The following DPP10 variants were observed in gnomAD, a reference collection of about 807,000 sequenced individuals.
The protein encoded by DPP10 is inactive dipeptidyl peptidase 10.
In DPP10, 33 loss-of-function variants were observed where a neutral mutation model predicts 120.9. The ratio of observed to expected loss-of-function variants is 0.27; its 90% CI spans 0.21 to 0.37. DPP10 has a LOEUF of 0.37. DPP10 is among the 10% of genes least tolerant of loss of function. The pLI is 1.00. For synonymous variants in DPP10, 337 were observed against 326.1 expected (o/e 1.03, Z -0.36); for missense variants, 816 against 942.8 (o/e 0.87, Z 1.76).
At chr2:114,937,645 C>T (rs750544183) in intron 1 of DPP10, among the ~76,000 whole-genome samples, 12 of 152,178 alleles carry the variant, frequency 7.9e-5, no homozygotes, top group Non-Finnish European at 1.6e-4. Flanking sequence ...TTGGAGTTTA[C>T]CACCAATTAA....
chr2:115,548,813 G>A (rs1238581362), intron 5 of DPP10, among the ~76,000 whole-genome samples: 3 of 152,108 alleles, frequency 2.0e-5, no homozygotes, highest in African/African-American at 7.2e-5. Flanking sequence ...AATACAAATA[G>A]TCTTGCTTGA....
chr2:114,492,504 G>A (rs533835846), intron 1 of DPP10, among the ~76,000 whole-genome samples: 1 of 152,092 alleles, frequency 6.6e-6, no homozygotes, highest in African/African-American at 2.4e-5. Context: ...TTATGCAATG[G>A]GCATTATTTA....
At chr2:114,702,416 G>C in intron 1 of DPP10, among the ~76,000 whole-genome samples, 1 of 152,064 alleles carries the variant, frequency 6.6e-6, no homozygotes, top group African/African-American at 2.4e-5. Flanking sequence ...TCTATTCCTA[G>C]CATCTGCCTG....
intron 1 of DPP10, among the ~76,000 whole-genome samples, chr2:114,840,730 A>G (rs1558798533): frequency 6.6e-6 from 1 of 152,160 alleles, no homozygotes; most frequent in Non-Finnish European, 1.5e-5. Flanking sequence ...CAGAGTATTT[A>G]CACTTTGTGG....
At chr2:115,615,774 C>T (rs913069078) in intron 5 of DPP10, among the ~76,000 whole-genome samples, 9 of 152,158 alleles carry the variant, frequency 5.9e-5, no homozygotes, top group East Asian at 1.9e-4. Context: ...ATTAACCAGA[C>T]ATTTCATCCT....
At chr2:115,126,841 A>C (rs1364394878) in intron 1 of DPP10, among the ~76,000 whole-genome samples, 1 of 152,174 alleles carries the variant, frequency 6.6e-6, no homozygotes, top group Non-Finnish European at 1.5e-5. Context: ...ATCAATATTG[A>C]GTAGGGGGTT....
chr2:115,216,263 C>T (rs1263577299), intron 1 of DPP10, among the ~76,000 whole-genome samples: 4 of 151,944 alleles, frequency 2.6e-5, no homozygotes, highest in Non-Finnish European at 4.4e-5. Context: ...CACGATGTAA[C>T]CCGGTAACAA....
chr2:115,627,359 G>T (rs544752861), intron 5 of DPP10, among the ~76,000 whole-genome samples: 4 of 151,954 alleles, frequency 2.6e-5, no homozygotes, highest in South Asian at 2.1e-4. Context: ...TCTCAGCTAG[G>T]GGAGGAGAGC....
At chr2:114,609,705 C>T (rs1693126545) in intron 1 of DPP10, among the ~76,000 whole-genome samples, 1 of 152,128 alleles carries the variant, frequency 6.6e-6, no homozygotes, top group African/African-American at 2.4e-5. Flanking sequence ...ATCCAAACTC[C>T]CAACTACTAA....
rs886503199 is a variant in DPP10 at position 115,692,082 on chromosome 2, T to C, written c.576+2161T>C. On this transcript the variant is annotated intron_variant, in intron 7 of 25. Coordinates refer to ENST00000410059, the MANE Select transcript of DPP10 (RefSeq NM_020868.6). ...TTTCCATTTCAATTTTTATAATTTCTATGTCGTTAAAATCCTTCTGCACTA... is the reference window on the plus strand; with the variant it reads ...TTTCCATTTCAATTTTTATAATTTCCATGTCGTTAAAATCCTTCTGCACTA... Among the ~76,000 whole-genome samples, 13 of 152,086 alleles carry C rather than the reference T, an allele frequency of 8.5e-5. No individual in the cohort carries two copies. In the South Asian group the frequency reaches 1.2e-3, roughly 15 times the overall value.
intron 1 of DPP10, among the ~76,000 whole-genome samples, chr2:114,449,635 G>C (rs1678145655): frequency 6.6e-6 from 1 of 152,002 alleles, no homozygotes; most frequent in Admixed American, 6.6e-5. Flanking sequence ...ATGTGGTCTT[G>C]CGGAAGGCAA....
At chr2:115,412,207 G>C (rs992286752) in intron 3 of DPP10, among the ~76,000 whole-genome samples, 13 of 152,162 alleles carry the variant, frequency 8.5e-5, no homozygotes, top group African/African-American at 2.7e-4. Context: ...GGAGAGTATA[G>C]AGAAGCGCCT....
At chr2:115,004,103 C>T (rs1379218548) in intron 1 of DPP10, among the ~76,000 whole-genome samples, 1 of 152,088 alleles carries the variant, frequency 6.6e-6, no homozygotes, top group East Asian at 1.9e-4. Flanking sequence ...TTTTGCCTGC[C>T]AGAGCTCTCA....
intron 13 of DPP10, among the ~76,000 whole-genome samples, chr2:115,772,313 C>T (rs992801717): frequency 2.0e-5 from 3 of 152,134 alleles, no homozygotes; most frequent in Admixed American, 6.6e-5. Flanking sequence ...ATAGATGTCA[C>T]TGTATATAAA....
chr2:115,522,477 G>A (rs1201298958), intron 4 of DPP10, among the ~76,000 whole-genome samples: 1 of 152,186 alleles, frequency 6.6e-6, no homozygotes, highest in African/African-American at 2.4e-5. Flanking sequence ...GGAATGATAC[G>A]TACAAAACAG....
chr2:115,450,478 AC>A (rs2073021778), intron 3 of DPP10, among the ~76,000 whole-genome samples: 7 of 151,944 alleles, frequency 4.6e-5, no homozygotes, highest in Admixed American at 4.6e-4. Context: ...TTATTGCGAA[AC>A]TTTGATTTGA....
intron 7 of DPP10, among the ~76,000 whole-genome samples, chr2:115,714,506 G>A (rs1213252818): frequency 2.6e-5 from 4 of 152,162 alleles, no homozygotes; most frequent in Non-Finnish European, 5.9e-5. Flanking sequence ...TTTTAAGAAA[G>A]TGTCTCCCTC....
At chr2:115,155,381 G>A (rs2051842707) in intron 1 of DPP10, among the ~76,000 whole-genome samples, 1 of 152,142 alleles carries the variant, frequency 6.6e-6, no homozygotes, top group Non-Finnish European at 1.5e-5. Flanking sequence ...GTGAGTGGAT[G>A]GCTTCTCCAT....
intron 4 of DPP10, among the ~76,000 whole-genome samples, chr2:115,521,191 A>G (rs1339535109): frequency 2.0e-5 from 3 of 152,198 alleles, no homozygotes; most frequent in Non-Finnish European, 4.4e-5. Context: ...CATTTAAAGA[A>G]TACAAGCAAT....
Sources: gnomAD v4.1 joint callset for allele counts (sites outside exome capture counted in the v4.1 genomes callset) on GRCh38, gnomAD v4.1.1 for gene constraint, MANE v1.5 for transcripts, NCBI Gene and HGNC (gene_info 2026-07-23, HGNC 2026-07-21) for gene names.